Variants in KRT75 observed in about 807,000 individuals in gnomAD.
KRT75 encodes the protein keratin, type II cytoskeletal 75.
In KRT75, 35 loss-of-function variants were observed where a neutral mutation model predicts 48.8. That is an observed-to-expected ratio of 0.72 (90% CI 0.55 to 0.95). The LOEUF is 0.95. KRT75 is among the 40% of genes least tolerant of loss of function. The pLI is 0.00. For missense variants in KRT75, 776 were observed against 709.9 expected, an observed-to-expected ratio of 1.09 and a Z score of -1.06; for synonymous variants, 301 against 282.3, an observed-to-expected ratio of 1.07 and a Z score of -0.66.
intron 2 of KRT75, among the ~76,000 whole-genome samples, chr12:52,432,526 C>G (rs561790397): frequency 6.4e-4 from 97 of 152,296 alleles, no homozygotes; most frequent in African/African-American, 2.1e-3. Context: ...TAAGGGCAAG[C>G]TGGCTAATGG....
In KRT75 at chr12:52,434,040, T is replaced by C. The variant is rs1201083888; in HGVS notation, c.265A>G (p.Ser89Gly). The C allele has an allele frequency of 1.9e-6, 3 of 1,614,140 alleles. No individual in the cohort carries two copies. In the East Asian group the frequency reaches 6.7e-5, roughly 36 times the overall value. ...CCACTGTTGACTCCAAACCTGTTGC[T>C]GGCCCTGCCACCAAAGCCACTTCGG... ...SCRSGFGGRASNRFGVNSGFG... is the reference protein window; with the variant it reads ...SCRSGFGGRAGNRFGVNSGFG... The change falls in exon 1 of 9, where the codon AGC becomes GGC. Residue 89 changes from serine (S) to glycine (G), a missense_variant. By Grantham distance (56) the Ser-to-Gly change is moderately conservative. Transcript: ENST00000252245.
intron 5 of KRT75, 93 bp downstream of exon 5, chr12:52,430,448 T>G: frequency 7.7e-7 from 1 of 1,303,740 alleles, no homozygotes; most frequent in South Asian, 1.2e-5. Context: ...TAAACGAATG[T>G]GCTCACACGT....
At chr12:52,428,882 T>C in intron 5 of KRT75, 139 bp from the exon 6 acceptor site, 1 of 1,005,662 alleles carries the variant, frequency 9.9e-7, no homozygotes, top group South Asian at 1.3e-5. Flanking sequence ...AAGCTTACAG[T>C]TTATTGGGGG....
At chr12:52,431,975 C>T (rs368893244) in intron 3 of KRT75, 31 bp downstream of exon 3, 12 of 1,610,814 alleles carry the variant, frequency 7.4e-6, no homozygotes, top group African/African-American at 4.0e-5. Flanking sequence ...CATTTTAAAC[C>T]TTCTCCTTTG....
At chr12:52,427,625 T>TG (rs1940090628) in intron 7 of KRT75, among the ~76,000 whole-genome samples, 1 of 152,256 alleles carries the variant, frequency 6.6e-6, no homozygotes, top group Non-Finnish European at 1.5e-5. Flanking sequence ...TCGAACACGC[T>TG]GTGTACCATG....
At position 52,428,401 on chromosome 12, in the gene KRT75, G is replaced by A. The variant is rs550084754; in HGVS notation, c.1237C>T (p.Leu413=). Residue 413 remains leucine (L), a synonymous_variant, in exon 7 of 9, where the codon CTG becomes TTG. Transcript: ENST00000252245. The stretch of plus-strand genomic sequence containing the variant: ...TGCAGGGCCTCCTCAAGGTCCACCA[G>A]CTTGGCCCGTGCATCCTTGAGAGCC... ...ELALKDARAK[L]VDLEEALQKA... 7 of 1,614,184 alleles carry A rather than the reference G, an allele frequency of 4.3e-6. No homozygotes were observed. Among genetic ancestry groups the A allele is most frequent in the Non-Finnish European group, 5.1e-6 (6 of 1,180,034 alleles).
At chr12:52,432,804 T>A (rs923432407) in intron 2 of KRT75, among the ~76,000 whole-genome samples, 21 of 152,226 alleles carry the variant, frequency 1.4e-4, no homozygotes, top group African/African-American at 5.1e-4. Flanking sequence ...TGTCGGATGA[T>A]GTTGATATCC....
intron 6 of KRT75, 42 bp from the exon 7 acceptor site, chr12:52,428,518 A>G (rs1221492723): frequency 1.2e-6 from 2 of 1,612,684 alleles, no homozygotes; most frequent in East Asian, 2.2e-5. Flanking sequence ...CTGACAGCCC[A>G]TGGAGGTGTG....
chr12:52,431,698 G>A (rs1450144196), intron 3 of KRT75, 60 bp from the exon 4 acceptor site: 12 of 1,261,126 alleles, frequency 9.5e-6, no homozygotes, highest in Non-Finnish European at 1.4e-5. Context: ...TAGTCCAAAA[G>A]AAGCTGAGCA....
intron 8 of KRT75, among the ~76,000 whole-genome samples, chr12:52,426,499 C>G (rs939236197): frequency 3.3e-5 from 5 of 152,188 alleles, no homozygotes; most frequent in Admixed American, 1.3e-4. Flanking sequence ...GGCTTGCAGC[C>G]CCAACAAAAA....
rs115461360 is a variant in KRT75, at chr12:52,425,116, G to A, written c.1418-361C>T. On this transcript the variant is annotated intron_variant, in intron 8 of 8. Coordinates refer to ENST00000252245, the MANE Select transcript of KRT75 (RefSeq NM_004693.3). ...GTTTCTCTTCCTTCTGGATGCTTAT[G>A]GGGGGAGGGGCACACTCCTCTTCCC... is the stretch of plus-strand genomic sequence containing the variant. Among the ~76,000 whole-genome samples, 175 of 121,552 alleles carry A rather than the reference G, an allele frequency of 1.4e-3. 1 individual carries two copies. Among genetic ancestry groups the A allele is most frequent in the African/African-American group, 4.2e-3 (157 of 37,406 alleles). The allele number at this position is 121,552 out of a possible 152,430, so 79.7% of individuals were successfully genotyped here.
At chr12:52,431,278 A>G (rs1940140975) in intron 4 of KRT75, among the ~76,000 whole-genome samples, 1 of 151,908 alleles carries the variant, frequency 6.6e-6, no homozygotes, top group Admixed American at 6.6e-5. Flanking sequence ...GTGTCCTAGA[A>G]TTTGGGAATC....
At chr12:52,430,432 T>G in intron 5 of KRT75, 109 bp downstream of exon 5, 1 of 1,188,718 alleles carries the variant, frequency 8.4e-7, no homozygotes, top group Non-Finnish European at 1.3e-6. Context: ...GCCTGCTAAG[T>G]TGAAATAAAC....
At chr12:52,428,012 A>C in intron 7 of KRT75, 3 of 552,318 alleles carry the variant, frequency 5.4e-6, no homozygotes, top group East Asian at 3.3e-5. Context: ...CTCCTTTGGT[A>C]GAATTCAGTT....
chr12:52,434,106 C>T lies in KRT75; in HGVS notation c.199G>A (p.Gly67Ser), dbSNP rs1940186324. ...CCATTGATGGAGACCCGCTTGGCAC[C>T]CCCCAGGTTGTAGAGGCTGCGGCTT... ...FGSRSLYNLG[G>S]AKRVSINGCG... The change falls in exon 1 of 9, where the codon GGT (glycine) becomes AGT (serine). Residue 67 changes from glycine to serine, a missense_variant. By Grantham distance (56) the Gly-to-Ser change is moderately conservative. Coordinates refer to ENST00000252245, the MANE Select transcript of KRT75 (RefSeq NM_004693.3). 3.7e-6 allele frequency: 6 copies of T among 1,614,168 alleles called. No individual in the cohort carries two copies. Among genetic ancestry groups the T allele is most frequent in the Non-Finnish European group, 5.1e-6 (6 of 1,180,034 alleles).
rs752708826 is a variant in KRT75, at chr12:52,434,305, G to A, written c.-1C>T. On this transcript the variant is annotated 5_prime_UTR_variant, in exon 1 of 9. Coordinates refer to ENST00000252245, the MANE Select transcript of KRT75 (RefSeq NM_004693.3). ...AGGTGATGGAGGACTGCCGAGACAT[G>A]GTGGGTGAGGAAGGCCGGCGAGAAG... 1 of 1,586,022 alleles carries A rather than the reference G, an allele frequency of 6.3e-7. No individual in the cohort carries two copies. Among genetic ancestry groups the A allele is most frequent in the Admixed American group, 1.7e-5 (1 of 58,448 alleles).
rs1284840688 is a variant in KRT75, at chr12:52,428,362, C to T, written c.1276G>A (p.Asp426Asn). ...TACTCACGCAGGAGCCGAGCCATGT[C>T]CTGCTTGGCCTTCTGCAGGGCCTCC... ...LEEALQKAKQ[D>N]MARLLREYQE... is the part of the protein sequence containing the mutation. Residue 426 changes from aspartate to asparagine, a missense_variant, in exon 7 of 9, where the codon GAC (aspartate) becomes AAC (asparagine). Asp to Asn is a conservative substitution (Grantham distance 23). Coordinates refer to ENST00000252245, the MANE Select transcript of KRT75 (RefSeq NM_004693.3). The T allele has an allele frequency of 6.2e-7, 1 of 1,614,076 alleles. No homozygotes were observed. The highest frequency in any genetic ancestry group is 1.3e-5 in the African/African-American group (1 of 74,920).
rs750384906 is a variant in KRT75, at chr12:52,433,159, G to C, written c.592C>G (p.Pro198Ala). ...TCACTGGTATAGGAATCAAAGAGGG[G>C]CTCTAGGTTCTGCCTCACAGTCCTG... is the stretch of plus-strand genomic sequence containing the variant. ...GSRTVRQNLE[P>A]LFDSYTSELR... Residue 198 changes from proline (P) to alanine (A), a missense_variant, in exon 2 of 9, where the codon CCC becomes GCC. Coordinates refer to ENST00000252245, the MANE Select transcript of KRT75 (RefSeq NM_004693.3). 11 of 1,613,950 alleles carry C rather than the reference G, an allele frequency of 6.8e-6. No homozygotes were observed. In the Admixed American group the frequency reaches 1.0e-4, roughly 15 times the overall value.
In KRT75 at chr12:52,432,082, G is replaced by C. The variant is rs750883492; in HGVS notation, c.714-16C>G. 51 of 1,613,138 alleles carry C rather than the reference G, an allele frequency of 3.2e-5. No individual in the cohort carries two copies. Among genetic ancestry groups the C allele is most frequent in the East Asian group, 2.7e-4 (12 of 44,890 alleles). On this transcript the variant is annotated splice_polypyrimidine_tract_variant and intron_variant, in intron 2 of 8. Coordinates refer to ENST00000252245, the MANE Select transcript of KRT75 (RefSeq NM_004693.3). ...ATCTTCGTACCTATAAGGACAGAGC[G>C]GGGGGTGTGCTGTTGAGCAAGTCTG...
Sources: gnomAD v4.1 joint callset for allele counts (sites outside exome capture counted in the v4.1 genomes callset) on GRCh38, gnomAD v4.1.1 for gene constraint, MANE v1.5 for transcripts, NCBI Gene and HGNC (gene_info 2026-07-23, HGNC 2026-07-21) for gene names.